Variants in SPIRE2 observed in about 807,000 individuals in gnomAD.
The protein encoded by SPIRE2 is protein spire homolog 2.
A neutral mutation model predicts 80.7 loss-of-function variants in SPIRE2; 76 were observed. The observed-to-expected ratio is 0.94, with a 90% CI of 0.78 to 1.14. The LOEUF (loss-of-function observed/expected upper bound fraction) is 1.14. SPIRE2 is among the 50% of genes most tolerant of loss of function. The pLI is 0.00. For synonymous variants in SPIRE2, 535 were observed against 432.6 expected (o/e 1.24, Z -2.94); for missense variants, 1,196 against 1,015.3 (o/e 1.18, Z -2.42).
At chr16:89,850,861 G>A (rs1414863389) in intron 3 of SPIRE2, among the ~76,000 whole-genome samples, 2 of 151,910 alleles carry the variant, frequency 1.3e-5, no homozygotes, top group Non-Finnish European at 2.9e-5. Context: ...TTTTAGACAG[G>A]GTCTCACTCT....
At chr16:89,866,195 G>T (rs1255807927) in intron 12 of SPIRE2, among the ~76,000 whole-genome samples, 1 of 151,996 alleles carries the variant, frequency 6.6e-6, no homozygotes, top group Non-Finnish European at 1.5e-5. Flanking sequence ...GTATATTTCT[G>T]TTGATATATG....
chr16:89,845,664 G>A (rs999310302), intron 2 of SPIRE2: 18 of 693,780 alleles, frequency 2.6e-5, no homozygotes, highest in Middle Eastern at 2.3e-4. Flanking sequence ...CTGCAGGGCC[G>A]GCCTCCCAGA....
chr16:89,843,068 CT>C (rs2041519116), intron 1 of SPIRE2, among the ~76,000 whole-genome samples: 1 of 152,234 alleles, frequency 6.6e-6, no homozygotes, highest in Admixed American at 6.5e-5. Context: ...AGCTGGAGCT[CT>C]TGTTCTAGCA....
intron 1 of SPIRE2, among the ~76,000 whole-genome samples, chr16:89,830,459 G>A (rs959937247): frequency 6.6e-6 from 1 of 151,300 alleles, no homozygotes; most frequent in African/African-American, 2.4e-5. Context: ...TGAACTTTCT[G>A]TGCCATCCTT....
At position 89,850,328 on chromosome 16, in the gene SPIRE2, A is replaced by G. The variant is rs997956654; in HGVS notation, c.313A>G (p.Ile105Val). The G allele has an allele frequency of 1.9e-6, 3 of 1,602,464 alleles. No homozygotes were observed. The highest frequency in any genetic ancestry group is 2.5e-6 in the Non-Finnish European group (3 of 1,176,786). Reference sequence around the variant, plus strand: ...GACCGTGCAGTCCCTCGGCTTCGCCATCTACCGCGCGCTGGACTGGGGGCT... The same window carrying G: ...GACCGTGCAGTCCCTCGGCTTCGCCGTCTACCGCGCGCTGGACTGGGGGCT... ...AQTVQSLGFA[I>V]YRALDWGLDE... The change falls in exon 3 of 15, where the codon ATC becomes GTC. Residue 105 changes from isoleucine (I) to valine (V), a missense_variant. Transcript: ENST00000378247.
intron 1 of SPIRE2, among the ~76,000 whole-genome samples, chr16:89,832,152 C>T (rs2041391267): frequency 6.6e-6 from 1 of 152,258 alleles, no homozygotes; most frequent in African/African-American, 2.4e-5. Context: ...AGGAAGCACC[C>T]CATGGTTACG....
intron 2 of SPIRE2, chr16:89,845,742 C>T: frequency 1.6e-6 from 1 of 618,966 alleles, no homozygotes; most frequent in Non-Finnish European, 2.9e-6. Flanking sequence ...GACCAGTGCC[C>T]CGAAACCCCA....
chr16:89,869,072 A>ATATATATATATATATGTATG (rs67559135), intron 13 of SPIRE2, among the ~76,000 whole-genome samples: 2 of 65,952 alleles, frequency 3.0e-5, no homozygotes, highest in Admixed American at 1.8e-4. Flanking sequence ...ATATATATAT[A>ATATATATATATATATGTATG]TATGTTACCC....
chr16:89,842,230 T>TTTTTTTTTTTTTTTTTG (rs1190281257), intron 1 of SPIRE2, among the ~76,000 whole-genome samples: 1 of 134,656 alleles, frequency 7.4e-6, no homozygotes, highest in African/African-American at 3.2e-5. Flanking sequence ...TTTTTTTTTT[T>TTTTTTTTTTTTTTTTTG]GTGACGGAGT....
intron 1 of SPIRE2, among the ~76,000 whole-genome samples, chr16:89,836,817 T>TG (rs1268618838): frequency 1.4e-5 from 2 of 142,242 alleles, no homozygotes; most frequent in Non-Finnish European, 3.0e-5. Context: ...CCGTCTCTAC[T>TG]GAAAAAAAAA....
intron 1 of SPIRE2, among the ~76,000 whole-genome samples, chr16:89,841,851 C>A: frequency 6.6e-6 from 1 of 152,036 alleles, no homozygotes; most frequent in East Asian, 1.9e-4. Context: ...GCGTGTTCCT[C>A]CCGAGTAGCT....
intron 7 of SPIRE2, among the ~76,000 whole-genome samples, chr16:89,857,723 A>G (rs2041704131): frequency 6.6e-6 from 1 of 151,324 alleles, no homozygotes; most frequent in African/African-American, 2.4e-5. Context: ...GGCACGCGCC[A>G]CCACACCCAG....
chr16:89,843,753 G>A lies in SPIRE2; in HGVS notation c.245-1569G>A, dbSNP rs1475128970. Among the ~76,000 whole-genome samples, 5 of 110,970 alleles carry A rather than the reference G, an allele frequency of 4.5e-5. 1 individual carries two copies. In the South Asian group the frequency reaches 1.1e-3, roughly 24 times the overall value. 72.8% of individuals were successfully genotyped at this position (110,970 alleles called of 152,430 possible). On this transcript the variant is annotated intron_variant, in intron 1 of 14. Coordinates refer to ENST00000378247, the MANE Select transcript of SPIRE2 (RefSeq NM_032451.2). ...CTCGCTTTGTTGCCCAGGCTGGAAT[G>A]CAGTGGCGTGATCTCGGTTCACTGC...
intron 2 of SPIRE2, 111 bp downstream of exon 2, chr16:89,845,476 G>A (rs1182797329): frequency 5.9e-6 from 6 of 1,017,882 alleles, no homozygotes; most frequent in Admixed American, 1.8e-5. Flanking sequence ...AGGGAGGCAG[G>A]GTGCAGATGA....
At chr16:89,860,935 G>A (rs1168794682) in intron 10 of SPIRE2, 140 bp downstream of exon 10, 11 of 553,330 alleles carry the variant, frequency 2.0e-5, no homozygotes, top group African/African-American at 8.7e-5. Context: ...GGGGGGGCGC[G>A]GTCTGAACAT....
chr16:89,836,667 C>G (rs1393208342), intron 1 of SPIRE2, among the ~76,000 whole-genome samples: 1 of 152,016 alleles, frequency 6.6e-6, no homozygotes, highest in Non-Finnish European at 1.5e-5. Context: ...GAAGGTCTCA[C>G]CGCCCTGGAG....
intron 9 of SPIRE2, among the ~76,000 whole-genome samples, chr16:89,860,449 G>A (rs1167035876): frequency 7.2e-5 from 11 of 151,980 alleles, no homozygotes; most frequent in Admixed American, 7.2e-4. Flanking sequence ...CTATAGAGCT[G>A]AGGGTCTCGC....
intron 3 of SPIRE2, among the ~76,000 whole-genome samples, chr16:89,852,967 ACCCCCC>A (rs1376108210): frequency 6.1e-5 from 4 of 65,626 alleles, no homozygotes; most frequent in Non-Finnish European, 1.2e-4. Context: ...CCTCCCTCTC[ACCCCCC>A]GGATCCCATG....
At chr16:89,855,175 T>C (rs1241503133) in intron 5 of SPIRE2, among the ~76,000 whole-genome samples, 1 of 152,200 alleles carries the variant, frequency 6.6e-6, no homozygotes, top group Non-Finnish European at 1.5e-5. Context: ...CCTGACCTTG[T>C]GATCTGCCCA....
Sources: allele counts gnomAD v4.1 joint callset (sites outside exome capture counted in the v4.1 genomes callset), GRCh38; gene constraint gnomAD v4.1.1; transcripts MANE v1.5; gene names NCBI Gene and HGNC (gene_info 2026-07-23, HGNC 2026-07-21).